FALEC: variants seen among roughly 807,000 people sequenced by gnomAD.
FALEC encodes the protein focally amplified lncRNA regulator of ECM1, also known as focally amplified lncRNA on chromosome 1.
exon 2 of FALEC, chr1:150,517,779 C>G (rs1670589331): frequency 6.6e-6 from 1 of 152,220 alleles, no homozygotes; most frequent in South Asian, 2.1e-4. Flanking sequence ...ACAGCTCATA[C>G]TGACTAAGGC....
chr1:150,524,924 G>C, the FALEC span, among the ~76,000 whole-genome samples: 1 of 147,434 alleles, frequency 6.8e-6, no homozygotes, highest in African/African-American at 2.5e-5. Flanking sequence ...GAGCCCAGGA[G>C]TTTGAGGGTA....
chr1:150,522,967 A>ACATATATATGTGTGTGTGTG (rs1670673832), downstream of FALEC, among the ~76,000 whole-genome samples: 1 of 35,852 alleles, frequency 2.8e-5, no homozygotes, highest in African/African-American at 1.3e-4. Context: ...ATATATATAT[A>ACATATATATGTGTGTGTGTG]TATATATATA....
intron 1 of FALEC, among the ~76,000 whole-genome samples, chr1:150,517,504 T>C (rs587717801): frequency 6.6e-6 from 1 of 152,152 alleles, no homozygotes; most frequent in Non-Finnish European, 1.5e-5. Flanking sequence ...CCCAGTGTGA[T>C]GGTATTAGGA....
the FALEC span, among the ~76,000 whole-genome samples, chr1:150,534,920 G>A: frequency 6.6e-6 from 1 of 151,732 alleles, no homozygotes; most frequent in Non-Finnish European, 1.5e-5. Context: ...CCACAAATAG[G>A]CTCTGGCCTG....
chr1:150,522,513 C>T, downstream of FALEC, among the ~76,000 whole-genome samples: 1 of 151,458 alleles, frequency 6.6e-6, no homozygotes, highest in East Asian at 1.9e-4. Flanking sequence ...GTCCCAGCTA[C>T]TCAGGAGGCT....
chr1:150,522,937 G>A (rs1414385102), downstream of FALEC, among the ~76,000 whole-genome samples: 784 of 4,308 alleles, frequency 0.18, 15 homozygotes, highest in Non-Finnish European at 0.2. Context: ...ATATATATGT[G>A]TGTGTGTGTG....
chr1:150,525,942 A>G, the FALEC span, among the ~76,000 whole-genome samples: 587 of 152,222 alleles, frequency 3.9e-3, 15 homozygotes, highest in East Asian at 0.013. Context: ...ATGCCCAGCC[A>G]TGTACGTTTT....
chr1:150,527,065 G>A, the FALEC span, among the ~76,000 whole-genome samples: 1 of 143,734 alleles, frequency 7.0e-6, no homozygotes. Context: ...CCTCCCTCCC[G>A]AGAAGTTGGG....
At chr1:150,518,751 TTAACA>T, downstream of FALEC, among the ~76,000 whole-genome samples, 1 of 152,064 alleles carries the variant, frequency 6.6e-6, no homozygotes, top group East Asian at 1.9e-4. Flanking sequence ...AATTACATAG[TTAACA>T]TAACCTTTGA....
chr1:150,529,015 G>GAAAAAAAAAAAAAAAAA, the FALEC span, among the ~76,000 whole-genome samples: 2 of 5,956 alleles, frequency 3.4e-4, no homozygotes, highest in African/African-American at 1.4e-3. Flanking sequence ...TAAATAAATA[G>GAAAAAAAAAAAAAAAAA]CAAAAAAAAA....
the FALEC span, among the ~76,000 whole-genome samples, chr1:150,528,312 TTGATATTGTGAAGCCTC>T: frequency 6.6e-6 from 1 of 152,202 alleles, no homozygotes. Context: ...CTCCTGCTTC[TTGATATTGTGAAGCCTC>T]TTAAAAACTT....
the FALEC span, among the ~76,000 whole-genome samples, chr1:150,532,944 CA>C: frequency 4.3e-4 from 66 of 152,242 alleles, no homozygotes; most frequent in Middle Eastern, 3.4e-3. Flanking sequence ...GCCAGCAGTG[CA>C]ACTAGAGAGG....
rs183679254 is a variant in FALEC, at chr1:150,516,278, C to G, written n.306+216C>G. On this transcript the variant is annotated intron_variant and non_coding_transcript_variant, in intron 1 of 1. Coordinates refer to ENST00000416894, the Ensembl canonical transcript of FALEC. The stretch of plus-strand genomic sequence containing the variant: ...AAAAAGGGAGCGGGGGGGCTTTGGT[C>G]TGTGCAGGAGCTTCCCGGAGATGCT... Among the ~76,000 whole-genome samples the G allele has an allele frequency of 6.9e-4, 104 of 151,710 alleles. 1 individual carries two copies. Among genetic ancestry groups the G allele is most frequent in the Admixed American group, 2.2e-3 (34 of 15,260 alleles).
downstream of FALEC, among the ~76,000 whole-genome samples, chr1:150,522,967 ATATATATATATATATAT>A (rs1670673918): frequency 2.8e-5 from 1 of 35,852 alleles, no homozygotes; most frequent in Admixed American, 3.0e-4. Context: ...ATATATATAT[ATATATATATATATATAT>A]TTTTTTTTTT....
the FALEC span, among the ~76,000 whole-genome samples, chr1:150,528,097 A>G: frequency 6.6e-6 from 1 of 152,150 alleles, no homozygotes; most frequent in Non-Finnish European, 1.5e-5. Flanking sequence ...CATATGACCC[A>G]GGTTTCACCA....
At chr1:150,529,015 G>GAAAAAAAAA in the FALEC span, among the ~76,000 whole-genome samples, 7 of 5,952 alleles carry the variant, frequency 1.2e-3, no homozygotes, top group African/African-American at 3.4e-3. Flanking sequence ...TAAATAAATA[G>GAAAAAAAAA]CAAAAAAAAA....
At chr1:150,532,405 G>A in the FALEC span, among the ~76,000 whole-genome samples, 2 of 152,186 alleles carry the variant, frequency 1.3e-5, no homozygotes, top group South Asian at 4.1e-4. Flanking sequence ...TAAGGCTGGA[G>A]AAGCCAATTG....
At chr1:150,535,005 C>G in the FALEC span, among the ~76,000 whole-genome samples, 1 of 152,134 alleles carries the variant, frequency 6.6e-6, no homozygotes, top group Non-Finnish European at 1.5e-5. Flanking sequence ...TCTGGGTCCA[C>G]GAGCCGGGGA....
the FALEC span, among the ~76,000 whole-genome samples, chr1:150,528,017 T>C: frequency 6.6e-6 from 1 of 152,138 alleles, no homozygotes; most frequent in South Asian, 2.1e-4. Context: ...CTCGCTGTAT[T>C]ATGGAAGAAA....
Sources: gnomAD v4.1 joint callset for allele counts (sites outside exome capture counted in the v4.1 genomes callset) on GRCh38, gnomAD v4.1.1 for gene constraint, MANE v1.5 for transcripts, NCBI Gene and HGNC (gene_info 2026-07-23, HGNC 2026-07-21) for gene names.